Variants in CPVL observed in about 807,000 individuals in gnomAD.
CPVL encodes the protein carboxypeptidase vitellogenic like.
CPVL carries 51 observed loss-of-function variants against 63.7 expected under a neutral mutation model. The observed-to-expected ratio is 0.80, with a 90% CI of 0.64 to 1.01. The LOEUF is 1.01. Ranked by LOEUF, CPVL falls within the 50% of genes least tolerant of loss-of-function variation. The pLI is 0.00. For missense variants in CPVL, 530 were observed against 573.1 expected (o/e 0.92, Z 0.77); for synonymous variants, 195 against 206.0 (o/e 0.95, Z 0.46).
At chr7:29,104,433 G>T (rs1465055872) in intron 3 of CPVL, among the ~76,000 whole-genome samples, 1 of 152,052 alleles carries the variant, frequency 6.6e-6, no homozygotes, top group Non-Finnish European at 1.5e-5. Context: ...GCTAATTTTT[G>T]TATTTTTATT....
upstream of CPVL, chr7:29,195,298 C>T (rs1008756797): frequency 1.2e-5 from 4 of 333,474 alleles, no homozygotes; most frequent in Non-Finnish European, 2.2e-5. Flanking sequence ...CACTTTCTGG[C>T]GCAGCTGGAG....
intron 11 of CPVL, among the ~76,000 whole-genome samples, chr7:29,032,009 GCTA>G (rs1788067316): frequency 6.6e-6 from 1 of 151,770 alleles, no homozygotes; most frequent in East Asian, 1.9e-4. Flanking sequence ...CTACTCTTAC[GCTA>G]CTTTTATGCA....
At chr7:29,031,989 T>C (rs758168045) in intron 11 of CPVL, among the ~76,000 whole-genome samples, 7 of 152,120 alleles carry the variant, frequency 4.6e-5, no homozygotes, top group Non-Finnish European at 8.8e-5. Flanking sequence ...TAATATACTC[T>C]CCTTTTTTTC....
intron 9 of CPVL, among the ~76,000 whole-genome samples, chr7:29,067,672 T>A (rs897117373): frequency 6.6e-6 from 1 of 152,130 alleles, no homozygotes; most frequent in African/African-American, 2.4e-5. Flanking sequence ...TGATATTAAG[T>A]TGTAAGGAGT....
At chr7:29,103,505 G>A (rs1162887212) in intron 3 of CPVL, among the ~76,000 whole-genome samples, 3 of 150,362 alleles carry the variant, frequency 2.0e-5, no homozygotes, top group Non-Finnish European at 4.4e-5. Flanking sequence ...TGCCTGCCTC[G>A]GCCTCCCAAA....
chr7:29,100,430 G>A (rs897298139), intron 3 of CPVL, among the ~76,000 whole-genome samples: 2 of 152,098 alleles, frequency 1.3e-5, no homozygotes, highest in African/African-American at 2.4e-5. Flanking sequence ...TGCAGGCGGC[G>A]CCAAGGGTCT....
chr7:29,033,649 T>C (rs1788245538), intron 11 of CPVL, among the ~76,000 whole-genome samples: 1 of 152,228 alleles, frequency 6.6e-6, no homozygotes, highest in African/African-American at 2.4e-5. Context: ...CAGAGATGAA[T>C]GCAGCTTTTA....
chr7:29,102,562 G>A lies in CPVL; in HGVS notation c.289-6345C>T, dbSNP rs557609825. Among the ~76,000 whole-genome samples, 5 of 152,262 alleles carry A rather than the reference G, an allele frequency of 3.3e-5. No homozygotes were observed. In the South Asian group the frequency reaches 1.0e-3, roughly 32 times the overall value. ...GCAGCAAGAACTGATGATTAAAAGG[G>A]AACGGACAAAAAAGTTCTAAATATT... On this transcript the variant is annotated intron_variant, in intron 3 of 12. Transcript: ENST00000265394.
upstream of CPVL, chr7:29,147,234 C>T (rs1792865007): frequency 2.3e-6 from 1 of 437,726 alleles, no homozygotes. Context: ...AAGTAGATAA[C>T]ACAAAATAAA....
chr7:29,018,637 C>G (rs1239144351), intron 12 of CPVL, among the ~76,000 whole-genome samples: 2 of 152,094 alleles, frequency 1.3e-5, no homozygotes, highest in Non-Finnish European at 2.9e-5. Flanking sequence ...CCTTAGCCTC[C>G]CAAAGTGCTT....
intron 11 of CPVL, among the ~76,000 whole-genome samples, chr7:29,058,226 A>C (rs1790935147): frequency 6.6e-6 from 1 of 152,076 alleles, no homozygotes; most frequent in Non-Finnish European, 1.5e-5. Flanking sequence ...CCTAATATAG[A>C]TCTTATACAT....
chr7:29,101,458 G>A (rs111627020), intron 3 of CPVL, among the ~76,000 whole-genome samples: 11,990 of 152,188 alleles, frequency 0.079, 591 homozygotes, highest in Middle Eastern at 0.14. Flanking sequence ...AGCTGGGCGT[G>A]GTGGCGGGCG....
At chr7:29,069,442 A>C (rs1489288785) in intron 9 of CPVL, among the ~76,000 whole-genome samples, 1 of 990 alleles carries the variant, frequency 1.0e-3, no homozygotes, top group South Asian at 0.12. Context: ...CTCCGTCTCA[A>C]AAAAAAAAAA....
At chr7:29,131,222 T>C (rs1301469321) in intron 1 of CPVL, among the ~76,000 whole-genome samples, 8 of 152,188 alleles carry the variant, frequency 5.3e-5, no homozygotes, top group Admixed American at 5.2e-4. Context: ...CTCCTTTCTA[T>C]TGCCTACTAT....
intron 11 of CPVL, among the ~76,000 whole-genome samples, chr7:29,057,511 G>A (rs1425949454): frequency 6.6e-6 from 1 of 152,112 alleles, no homozygotes; most frequent in East Asian, 1.9e-4. Context: ...ATGATGTCCA[G>A]CTTCTCAATT....
At chr7:29,092,504 C>T in intron 6 of CPVL, 119 bp downstream of exon 6, 1 of 658,652 alleles carries the variant, frequency 1.5e-6, no homozygotes, top group Non-Finnish European at 2.7e-6. Context: ...CTTAAATTAT[C>T]TTCAGGAATT....
intron 2 of CPVL, among the ~76,000 whole-genome samples, chr7:29,117,333 G>GTC: frequency 6.6e-6 from 1 of 152,342 alleles, no homozygotes; most frequent in South Asian, 2.1e-4. Flanking sequence ...GATGTCAGTA[G>GTC]TCTCTCAGAT....
At chr7:29,170,220 G>T (rs925008371) in intron 5 of CPVL, among the ~76,000 whole-genome samples, 5 of 152,118 alleles carry the variant, frequency 3.3e-5, no homozygotes, top group African/African-American at 1.2e-4. Context: ...TTTAACAATA[G>T]ATTGCTGGTG....
chr7:29,114,505 T>C (rs1018076834), intron 2 of CPVL, among the ~76,000 whole-genome samples: 1 of 152,008 alleles, frequency 6.6e-6, no homozygotes, highest in Non-Finnish European at 1.5e-5. Flanking sequence ...GTGGCAGTGC[T>C]TGTAGTCCCA....
Sources: gnomAD v4.1 joint callset for allele counts (sites outside exome capture counted in the v4.1 genomes callset) on GRCh38, gnomAD v4.1.1 for gene constraint, MANE v1.5 for transcripts, NCBI Gene and HGNC (gene_info 2026-07-23, HGNC 2026-07-21) for gene names.